The following DPF3 variants were observed in gnomAD, a reference collection of about 807,000 sequenced individuals.
The protein encoded by DPF3 is zinc finger protein DPF3.
Under a neutral mutation model 56.8 loss-of-function variants are expected in DPF3, and 18 were observed. That is an observed-to-expected ratio of 0.32 (90% confidence interval 0.22 to 0.47). The LOEUF (loss-of-function observed/expected upper bound fraction) is 0.47. Among genes scored for constraint, DPF3 ranks in the 20% least tolerant of loss-of-function variants. DPF3 has a pLI of 1.00. For synonymous variants in DPF3, 188 were observed against 180.2 expected (o/e 1.04, Z -0.35); for missense variants, 403 against 488.8 (o/e 0.82, Z 1.65).
rs1317330542 is a variant in DPF3, at chr14:72,615,598, T to G, written c.*3699A>C. On this transcript the variant is annotated 3_prime_UTR_variant, in exon 11 of 11. Coordinates refer to ENST00000556509, the MANE Select transcript of DPF3 (RefSeq NM_001280542.3). Reference sequence around the variant, plus strand: ...CAGTTCTGGAGGAATCTGGCCTCCTTCCCTCCCTTCCACCCACCCACAGGC... The same window carrying G: ...CAGTTCTGGAGGAATCTGGCCTCCTGCCCTCCCTTCCACCCACCCACAGGC... Among the ~76,000 whole-genome samples, 1 of 152,072 alleles carries G rather than the reference T, an allele frequency of 6.6e-6. No homozygotes were observed. The highest frequency in any genetic ancestry group is 1.5e-5 in the Non-Finnish European group (1 of 67,998).
At chr14:72,723,939 C>T in intron 4 of DPF3, 1 of 493,154 alleles carries the variant, frequency 2.0e-6, no homozygotes, top group East Asian at 3.8e-5. Context: ...GGGCCCCTTC[C>T]AGACAAGTCC....
At position 72,861,737 on chromosome 14, in the gene DPF3, GAGAAAGAAAGAAAGAA is replaced by G. The variant is rs35048401; in HGVS notation, c.32+32304_32+32319del. On this transcript the variant is annotated intron_variant, in intron 1 of 10. Coordinates refer to ENST00000556509, the MANE Select transcript of DPF3 (RefSeq NM_001280542.3). The stretch of plus-strand genomic sequence containing the variant: ...GAAGAAAGAGAGAGAAAGAAAGAAA[GAGAAAGAAAGAAAGAA>G]AGAAAGAAAGAAAGAAAGAAAGAAA... 4.4e-3 allele frequency among the ~76,000 whole-genome samples: 372 copies of G among 84,596 alleles called. 1 individual carries two copies. The highest frequency in any genetic ancestry group is 0.012 in the African/African-American group (256 of 21,360). 55.5% of individuals were successfully genotyped at this position (84,596 alleles called of 152,430 possible).
intron 1 of DPF3, among the ~76,000 whole-genome samples, chr14:72,888,633 G>A (rs1886639033): frequency 6.6e-6 from 1 of 152,050 alleles, no homozygotes. Context: ...CCTACCCAAG[G>A]CCACTCTCCA....
chr14:72,682,293 C>A (rs184504364), intron 7 of DPF3, among the ~76,000 whole-genome samples: 1 of 151,086 alleles, frequency 6.6e-6, no homozygotes, highest in Admixed American at 6.6e-5. Context: ...TTACGTGACA[C>A]GTAATGAGAT....
chr14:72,724,130 A>G (rs1889294099), intron 4 of DPF3: 1 of 167,922 alleles, frequency 6.0e-6, no homozygotes, highest in South Asian at 1.7e-4. Flanking sequence ...TTTCCCTGCC[A>G]TTCTGGAACC....
intron 10 of DPF3, among the ~76,000 whole-genome samples, chr14:72,619,680 T>C (rs1360809604): frequency 6.6e-6 from 1 of 152,226 alleles, no homozygotes; most frequent in Non-Finnish European, 1.5e-5. Context: ...AAAACTTCCT[T>C]GGCCCTCAAG....
intron 1 of DPF3, among the ~76,000 whole-genome samples, chr14:72,821,090 C>T (rs1311561765): frequency 6.7e-6 from 1 of 149,044 alleles, no homozygotes; most frequent in Non-Finnish European, 1.5e-5. Context: ...GCTGTGATCA[C>T]GCCACTGTAC....
At chr14:72,666,115 C>T (rs1319320392) in intron 8 of DPF3, among the ~76,000 whole-genome samples, 2 of 152,102 alleles carry the variant, frequency 1.3e-5, no homozygotes, top group South Asian at 2.1e-4. Context: ...TTAAACACCA[C>T]AATATTATAT....
intron 6 of DPF3, among the ~76,000 whole-genome samples, chr14:72,705,896 G>A (rs1410844630): frequency 1.3e-5 from 2 of 152,114 alleles, no homozygotes; most frequent in African/African-American, 4.8e-5. Context: ...GAAAGGGACA[G>A]TGATAGTGTG....
At chr14:72,885,565 G>A (rs1037882658) in intron 1 of DPF3, among the ~76,000 whole-genome samples, 10 of 151,806 alleles carry the variant, frequency 6.6e-5, no homozygotes, top group Admixed American at 2.6e-4. Context: ...CACCACACCC[G>A]GCTTTTTTTT....
At chr14:72,686,661 A>G (rs1333720678) in intron 7 of DPF3, among the ~76,000 whole-genome samples, 1 of 152,232 alleles carries the variant, frequency 6.6e-6, no homozygotes, top group African/African-American at 2.4e-5. Context: ...AAAACTGTCT[A>G]GTTAAATAAT....
intron 1 of DPF3, among the ~76,000 whole-genome samples, chr14:72,791,669 A>G (rs1249064119): frequency 6.6e-6 from 1 of 152,210 alleles, no homozygotes. Context: ...TTGAGCAACT[A>G]CTATGTGGCA....
intron 2 of DPF3, among the ~76,000 whole-genome samples, chr14:72,770,433 A>G (rs1891474184): frequency 1.3e-5 from 2 of 152,262 alleles, no homozygotes; most frequent in Admixed American, 6.5e-5. Flanking sequence ...TACAGGGGGA[A>G]AAATGAATGT....
intron 1 of DPF3, among the ~76,000 whole-genome samples, chr14:72,835,886 C>T (rs1464760789): frequency 6.6e-6 from 1 of 152,168 alleles, no homozygotes; most frequent in Non-Finnish European, 1.5e-5. Flanking sequence ...AGGCCCAGGA[C>T]ACCCAGAAGC....
chr14:72,824,036 A>G (rs148264722), intron 1 of DPF3, among the ~76,000 whole-genome samples: 1 of 152,272 alleles, frequency 6.6e-6, no homozygotes, highest in African/African-American at 2.4e-5. Flanking sequence ...TTATCTAGCA[A>G]TGAGGAAGTG....
chr14:72,758,026 C>T (rs565065907), intron 2 of DPF3, among the ~76,000 whole-genome samples: 6 of 151,002 alleles, frequency 4.0e-5, no homozygotes, highest in Non-Finnish European at 5.9e-5. Context: ...AAGAGAAGGA[C>T]GAAGAGGAAA....
At chr14:72,755,636 T>G (rs1195823721) in intron 2 of DPF3, among the ~76,000 whole-genome samples, 1 of 152,218 alleles carries the variant, frequency 6.6e-6, no homozygotes, top group Non-Finnish European at 1.5e-5. Flanking sequence ...CAGTTGTTAA[T>G]TGTCATGAGT....
chr14:72,619,969 A>C lies in DPF3; in HGVS notation c.1000T>G (p.Cys334Gly). ...TSENDDQLLFCDDCDRGYHMY... is the reference protein window; with the variant it reads ...TSENDDQLLFGDDCDRGYHMY... The stretch of plus-strand genomic sequence containing the variant: ...TGATAGCCTCGGTCACAGTCATCGC[A>C]GAAGAGTAGCTGGTCCTGGTGGAAC... Residue 334 changes from cysteine (C) to glycine (G), a missense_variant, in exon 10 of 11, where the codon TGC becomes GGC. Cys to Gly is a radical substitution (Grantham distance 159). Coordinates refer to ENST00000556509, the MANE Select transcript of DPF3 (RefSeq NM_001280542.3). 6.5e-7 allele frequency: 1 copy of C among 1,534,784 alleles called. No homozygotes were observed. The highest frequency in any genetic ancestry group is 8.7e-7 in the Non-Finnish European group (1 of 1,146,096).
At chr14:72,807,255 T>C (rs4903062) in intron 1 of DPF3, among the ~76,000 whole-genome samples, 13,235 of 152,324 alleles carry the variant, frequency 0.087, 770 homozygotes, top group South Asian at 0.19. Context: ...CCTTAAAATA[T>C]TTGTTTCTGT....
Sources: gnomAD v4.1 joint callset for allele counts (sites outside exome capture counted in the v4.1 genomes callset) on GRCh38, gnomAD v4.1.1 for gene constraint, MANE v1.5 for transcripts, NCBI Gene and HGNC (gene_info 2026-07-23, HGNC 2026-07-21) for gene names.